Variants in SEMA3C observed in about 807,000 individuals in gnomAD.
SEMA3C encodes the protein semaphorin-3C.
A neutral mutation model predicts 89.4 loss-of-function variants in SEMA3C; 47 were observed. The ratio of observed to expected loss-of-function variants is 0.53; its 90% confidence interval spans 0.42 to 0.67. The LOEUF is 0.67. Among genes scored for constraint, SEMA3C ranks in the 30% least tolerant of loss-of-function variants. SEMA3C has a pLI of 0.00. For synonymous variants in SEMA3C, 310 were observed against 320.2 expected (o/e 0.97, Z 0.34); for missense variants, 839 against 929.1 (o/e 0.90, Z 1.26).
At chr7:80,772,300 A>G (rs1313967296) in intron 12 of SEMA3C, among the ~76,000 whole-genome samples, 3 of 152,262 alleles carry the variant, frequency 2.0e-5, no homozygotes, top group Non-Finnish European at 2.9e-5. Flanking sequence ...ATTTCAGAAT[A>G]AAACTGAATC....
At chr7:80,805,816 G>T in intron 6 of SEMA3C, 58 bp from the exon 7 acceptor site, 1 of 1,325,968 alleles carries the variant, frequency 7.5e-7, no homozygotes, top group Non-Finnish European at 1.1e-6. Flanking sequence ...TGAAATTCTA[G>T]GTGAGTTTAT....
intron 2 of SEMA3C, among the ~76,000 whole-genome samples, chr7:80,885,269 T>G (rs1272212224): frequency 6.6e-6 from 1 of 152,152 alleles, no homozygotes; most frequent in East Asian, 1.9e-4. Flanking sequence ...CTCTACATTT[T>G]CCCCCTCTTT....
At chr7:80,829,541 TA>T (rs1562894978) in intron 2 of SEMA3C, among the ~76,000 whole-genome samples, 2 of 152,186 alleles carry the variant, frequency 1.3e-5, no homozygotes. Flanking sequence ...TATTTTTCTA[TA>T]AATTACTTGA....
At chr7:80,769,941 C>A (rs1339839438) in intron 12 of SEMA3C, among the ~76,000 whole-genome samples, 1 of 150,146 alleles carries the variant, frequency 6.7e-6, no homozygotes, top group East Asian at 2.0e-4. Flanking sequence ...TACAATACCA[C>A]TTTTAGTCAT....
intron 2 of SEMA3C, among the ~76,000 whole-genome samples, chr7:80,880,961 C>G (rs898997846): frequency 2.6e-5 from 4 of 151,934 alleles, no homozygotes; most frequent in South Asian, 2.1e-4. Context: ...AATCGGATCG[C>G]AGAAAGAAAT....
chr7:80,895,096 G>A (rs1344756570), intron 2 of SEMA3C, among the ~76,000 whole-genome samples: 3 of 152,272 alleles, frequency 2.0e-5, no homozygotes, highest in Non-Finnish European at 2.9e-5. Context: ...ACACACACGT[G>A]AGCATGCACG....
At chr7:80,796,296 T>C (rs1562878801) in intron 11 of SEMA3C, 1 of 152,214 alleles carries the variant, frequency 6.6e-6, no homozygotes, top group Non-Finnish European at 1.5e-5. Context: ...CTTTGATATA[T>C]AACGGAATTT....
intron 17 of SEMA3C, 40 bp downstream of exon 17, chr7:80,748,858 C>T (rs1225230524): frequency 1.3e-6 from 2 of 1,571,958 alleles, no homozygotes; most frequent in Admixed American, 1.9e-5. Flanking sequence ...AATGTTCTCT[C>T]TGAAGCCCTG....
intron 2 of SEMA3C, among the ~76,000 whole-genome samples, chr7:80,838,200 A>G (rs1004966776): frequency 1.3e-5 from 2 of 152,122 alleles, no homozygotes; most frequent in Admixed American, 6.6e-5. Flanking sequence ...TAGTAGACCA[A>G]GGTTAAATTT....
chr7:80,866,008 C>A lies in SEMA3C; in HGVS notation c.104-37263G>T, dbSNP rs1005278369. On this transcript the variant is annotated intron_variant, in intron 2 of 17. Transcript: ENST00000265361. The stretch of plus-strand genomic sequence containing the variant: ...CTTCTTTTGTCTATCACTTGTAGTG[C>A]CTAATTCAATGTTTTGCATAAAGTA... Among the ~76,000 whole-genome samples, 4 of 152,034 alleles carry A rather than the reference C, an allele frequency of 2.6e-5. No homozygotes were observed. In the East Asian group the frequency reaches 7.7e-4, roughly 29 times the overall value.
rs73370850 is a variant in SEMA3C, at chr7:80,755,331, T to C, written c.1643+3000A>G. 7.9e-3 allele frequency among the ~76,000 whole-genome samples: 1,189 copies of C among 150,304 alleles called. 15 individuals carry two copies. The highest frequency in any genetic ancestry group is 0.028 in the African/African-American group (1,128 of 40,720). On this transcript the variant is annotated intron_variant, in intron 15 of 17. Coordinates refer to ENST00000265361, the MANE Select transcript of SEMA3C (RefSeq NM_006379.5). ...ATAGGTGGGAAAACATGCAAACAAA[T>C]GAGCTAGCCCATATTGAGCATAAAC...
At chr7:80,903,706 G>A (rs1197160574) in intron 2 of SEMA3C, among the ~76,000 whole-genome samples, 1 of 151,932 alleles carries the variant, frequency 6.6e-6, no homozygotes, top group Non-Finnish European at 1.5e-5. Flanking sequence ...TAATACATGT[G>A]GTCCTTCTCA....
intron 1 of SEMA3C, 22 bp downstream of exon 1, chr7:80,918,806 G>A: frequency 1.0e-6 from 1 of 985,262 alleles, no homozygotes; most frequent in Non-Finnish European, 1.2e-6. Context: ...CTGTAATGCG[G>A]AAAATGACCA....
At chr7:80,808,127 A>C (rs1341329142) in intron 6 of SEMA3C, among the ~76,000 whole-genome samples, 1 of 152,182 alleles carries the variant, frequency 6.6e-6, no homozygotes, top group South Asian at 2.1e-4. Flanking sequence ...AACAAATCCA[A>C]TTCTCTAAGG....
At chr7:80,810,137 AATTGGCTTGACTGAAT>A (rs1251039919) in intron 6 of SEMA3C, among the ~76,000 whole-genome samples, 1 of 152,162 alleles carries the variant, frequency 6.6e-6, no homozygotes, top group Non-Finnish European at 1.5e-5. Context: ...TGGATATGTC[AATTGGCTTGACTGAAT>A]TCTTCCATTA....
chr7:80,798,414 A>G (rs926465166), intron 10 of SEMA3C, among the ~76,000 whole-genome samples, 178 bp from the exon 11 acceptor site: 5 of 152,242 alleles, frequency 3.3e-5, no homozygotes, highest in Admixed American at 3.3e-4. Flanking sequence ...TACATAAAGC[A>G]TTACAATACT....
At chr7:80,798,944 T>A (rs1379009765) in intron 10 of SEMA3C, among the ~76,000 whole-genome samples, 1 of 152,202 alleles carries the variant, frequency 6.6e-6, no homozygotes, top group African/African-American at 2.4e-5. Context: ...AAAAGGTGCA[T>A]TCCCATAAAA....
chr7:80,852,686 T>TTTG (rs1790541730), intron 2 of SEMA3C, among the ~76,000 whole-genome samples: 1 of 151,508 alleles, frequency 6.6e-6, no homozygotes, highest in African/African-American at 2.4e-5. Flanking sequence ...CATTTTTTTT[T>TTTG]TTTTTTTTTT....
chr7:80,780,789 TG>T (rs1788674987), intron 12 of SEMA3C, among the ~76,000 whole-genome samples: 1 of 152,014 alleles, frequency 6.6e-6, no homozygotes, highest in South Asian at 2.1e-4. Context: ...GAGGCTGAGA[TG>T]GGAGGATCAC....
Sources: allele counts gnomAD v4.1 joint callset (sites outside exome capture counted in the v4.1 genomes callset), GRCh38; gene constraint gnomAD v4.1.1; transcripts MANE v1.5; gene names NCBI Gene and HGNC (gene_info 2026-07-23, HGNC 2026-07-21).